GABRB1: variants seen among roughly 807,000 people sequenced by gnomAD.
GABRB1 encodes the protein gamma-aminobutyric acid type A receptor subunit beta1.
Under a neutral mutation model 51.6 loss-of-function variants are expected in GABRB1, and 17 were observed. The observed-to-expected ratio is 0.33, with a 90% CI of 0.23 to 0.49. GABRB1 has a LOEUF of 0.49. Ranked by LOEUF, GABRB1 falls within the 20% of genes least tolerant of loss-of-function variation. The pLI, the probability that GABRB1 is intolerant of heterozygous loss-of-function variation, is 0.99. For missense variants in GABRB1, 410 were observed against 600.6 expected, an observed-to-expected ratio of 0.68 and a Z score of 3.32; for synonymous variants, 247 against 218.9, an observed-to-expected ratio of 1.13 and a Z score of -1.14.
intron 3 of GABRB1, among the ~76,000 whole-genome samples, chr4:47,146,497 A>G (rs959856758): frequency 6.6e-6 from 1 of 152,106 alleles, no homozygotes; most frequent in Non-Finnish European, 1.5e-5. Context: ...TAATGAAAGC[A>G]TAGACATTGC....
intron 4 of GABRB1, among the ~76,000 whole-genome samples, chr4:47,296,811 T>C (rs1724019044): frequency 6.6e-6 from 1 of 152,176 alleles, no homozygotes; most frequent in African/African-American, 2.4e-5. Context: ...TATACATTTT[T>C]TTCAGCACCA....
At chr4:47,062,939 C>G (rs1390390071) in intron 3 of GABRB1, among the ~76,000 whole-genome samples, 1 of 152,140 alleles carries the variant, frequency 6.6e-6, no homozygotes, top group Non-Finnish European at 1.5e-5. Flanking sequence ...ATCTAACTAG[C>G]CTCTGAGTTT....
chr4:47,001,417 C>T (rs1428858427), intron 1 of GABRB1, among the ~76,000 whole-genome samples: 2 of 152,208 alleles, frequency 1.3e-5, no homozygotes, highest in African/African-American at 4.8e-5. Context: ...GCTGGAATTA[C>T]AGGTGTGAGC....
At chr4:47,001,374 C>G (rs1344513730) in intron 1 of GABRB1, among the ~76,000 whole-genome samples, 1 of 152,134 alleles carries the variant, frequency 6.6e-6, no homozygotes, top group African/African-American at 2.4e-5. Context: ...AATCTCCTGA[C>G]CTCGTGATTC....
chr4:47,091,259 A>T (rs1281016832), intron 3 of GABRB1, among the ~76,000 whole-genome samples: 2 of 152,116 alleles, frequency 1.3e-5, no homozygotes, highest in Admixed American at 1.3e-4. Flanking sequence ...TGAAAAATAT[A>T]TATATTTATT....
At chr4:47,311,265 T>C (rs1407558620) in intron 4 of GABRB1, among the ~76,000 whole-genome samples, 1 of 29,764 alleles carries the variant, frequency 3.4e-5, no homozygotes, top group Non-Finnish European at 8.6e-5. Flanking sequence ...AACAACAAAA[T>C]ACCAAGCGTG....
intron 1 of GABRB1, among the ~76,000 whole-genome samples, chr4:47,011,156 A>G (rs1399971215): frequency 6.6e-6 from 1 of 152,146 alleles, no homozygotes; most frequent in African/African-American, 2.4e-5. Flanking sequence ...TTGAGAGGAA[A>G]TGCAGCTGTG....
At chr4:47,418,061 C>T (rs1728984926) in intron 8 of GABRB1, among the ~76,000 whole-genome samples, 2 of 152,180 alleles carry the variant, frequency 1.3e-5, no homozygotes, top group South Asian at 4.1e-4. Context: ...TGTAAATTCA[C>T]TTCAGATTTC....
At chr4:47,090,611 CT>C (rs1728251759) in intron 3 of GABRB1, among the ~76,000 whole-genome samples, 2 of 152,178 alleles carry the variant, frequency 1.3e-5, no homozygotes, top group Non-Finnish European at 2.9e-5. Flanking sequence ...AGCCAGGGAT[CT>C]TGGCTTAATC....
chr4:47,188,626 T>C (rs1719294021), intron 4 of GABRB1, among the ~76,000 whole-genome samples: 1 of 151,982 alleles, frequency 6.6e-6, no homozygotes, highest in Non-Finnish European at 1.5e-5. Context: ...ATTCTTTCTA[T>C]TCCTTCTATG....
chr4:47,217,890 A>C (rs973202748), intron 4 of GABRB1, among the ~76,000 whole-genome samples: 1 of 151,684 alleles, frequency 6.6e-6, no homozygotes, highest in Non-Finnish European at 1.5e-5. Context: ...ATTATTCTTA[A>C]CTGTAGTCAC....
At chr4:47,105,346 C>A (rs1049142056) in intron 3 of GABRB1, among the ~76,000 whole-genome samples, 1 of 152,100 alleles carries the variant, frequency 6.6e-6, no homozygotes, top group African/African-American at 2.4e-5. Flanking sequence ...TTGACCCTCT[C>A]CCAGCAAGAG....
intron 4 of GABRB1, among the ~76,000 whole-genome samples, chr4:47,226,717 A>T (rs905682438): frequency 1.3e-5 from 2 of 152,172 alleles, no homozygotes; most frequent in Non-Finnish European, 2.9e-5. Context: ...AAATATCTCA[A>T]TAAATAAGCT....
chr4:47,023,621 T>C (rs1725000472), intron 1 of GABRB1, among the ~76,000 whole-genome samples: 1 of 152,034 alleles, frequency 6.6e-6, no homozygotes, highest in Non-Finnish European at 1.5e-5. Flanking sequence ...AAAAAATAAC[T>C]GCAGCCATTA....
At chr4:47,095,503 G>C (rs917040458) in intron 3 of GABRB1, among the ~76,000 whole-genome samples, 6 of 152,226 alleles carry the variant, frequency 3.9e-5, no homozygotes, top group South Asian at 2.1e-4. Context: ...GGGACCAAGA[G>C]TGGCTGGAAC....
intron 4 of GABRB1, among the ~76,000 whole-genome samples, chr4:47,229,045 T>C (rs1721049239): frequency 6.6e-6 from 1 of 152,168 alleles, no homozygotes; most frequent in South Asian, 2.1e-4. Flanking sequence ...TCTATAGACA[T>C]GGAAACTAAC....
At chr4:46,998,687 T>C (rs1724081384) in intron 1 of GABRB1, among the ~76,000 whole-genome samples, 1 of 146,582 alleles carries the variant, frequency 6.8e-6, no homozygotes, top group African/African-American at 2.5e-5. Flanking sequence ...TGAGCTGAGA[T>C]TGTGCCACTG....
chr4:47,204,933 C>A (rs1006983773), intron 4 of GABRB1, among the ~76,000 whole-genome samples: 2 of 152,160 alleles, frequency 1.3e-5, no homozygotes, highest in Non-Finnish European at 2.9e-5. Flanking sequence ...AAACACAACT[C>A]TCTTGGCCTA....
intron 3 of GABRB1, among the ~76,000 whole-genome samples, chr4:47,086,396 C>T (rs916481658): frequency 7.2e-5 from 11 of 152,056 alleles, no homozygotes; most frequent in Admixed American, 3.3e-4. Context: ...TCAAAATCAA[C>T]CCCCCTTTAA....
Sources: allele counts gnomAD v4.1 joint callset (sites outside exome capture counted in the v4.1 genomes callset), GRCh38; gene constraint gnomAD v4.1.1; transcripts MANE v1.5; gene names NCBI Gene and HGNC (gene_info 2026-07-23, HGNC 2026-07-21).